The following CLASP1 variants were observed in gnomAD, a reference collection of about 807,000 sequenced individuals.
The protein encoded by CLASP1 is cytoplasmic linker associated protein 1, also known as CLIP-associating protein 1.
CLASP1 carries 38 observed loss-of-function variants against 192.3 expected under a neutral mutation model. That is an observed-to-expected ratio of 0.20 (90% CI 0.15 to 0.26). The LOEUF is 0.26. Among genes scored for constraint, CLASP1 ranks in the 10% least tolerant of loss-of-function variants. The pLI is 1.00. For missense variants in CLASP1, 1,433 were observed against 1,932.5 expected (o/e 0.74, Z 4.85); for synonymous variants, 691 against 712.8 (o/e 0.97, Z 0.49).
chr2:121,636,936 T>C (rs1346268205), intron 1 of CLASP1, among the ~76,000 whole-genome samples: 1 of 152,290 alleles, frequency 6.6e-6, no homozygotes, highest in Middle Eastern at 3.4e-3. Flanking sequence ...ACCCCAAATA[T>C]ATCCACATAG....
chr2:121,405,711 AAGTGGG>A (rs1482219467), intron 25 of CLASP1, among the ~76,000 whole-genome samples: 3 of 139,522 alleles, frequency 2.2e-5, no homozygotes, highest in African/African-American at 9.9e-5. Flanking sequence ...AGAATCTACA[AAGTGGG>A]ACCACCAGGA....
intron 1 of CLASP1, among the ~76,000 whole-genome samples, chr2:121,646,038 T>C (rs2073111710): frequency 6.6e-6 from 1 of 152,256 alleles, no homozygotes; most frequent in African/African-American, 2.4e-5. Flanking sequence ...GATTACATCT[T>C]ACAAACCAAA....
At chr2:121,459,940 A>T (rs915126634) in intron 12 of CLASP1, 40 bp downstream of exon 12, 4 of 1,555,272 alleles carry the variant, frequency 2.6e-6, no homozygotes, top group South Asian at 2.4e-5. Context: ...CTGTGGTGAC[A>T]CTATTTTATG....
intron 2 of CLASP1, among the ~76,000 whole-genome samples, chr2:121,573,925 C>T (rs558510648): frequency 1.1e-3 from 173 of 152,274 alleles, no homozygotes; most frequent in African/African-American, 4.1e-3. Context: ...GCAACAAAAA[C>T]GTAAGCTTTG....
intron 19 of CLASP1, among the ~76,000 whole-genome samples, chr2:121,433,370 C>T (rs766711036): frequency 2.0e-5 from 3 of 148,046 alleles, no homozygotes; most frequent in Non-Finnish European, 4.5e-5. Context: ...TAGTTGCCAA[C>T]AATTTTTATC....
intron 19 of CLASP1, among the ~76,000 whole-genome samples, chr2:121,434,447 TAG>T (rs2081973652): frequency 6.6e-6 from 1 of 151,722 alleles, no homozygotes; most frequent in African/African-American, 2.4e-5. Flanking sequence ...AAATTTTCTG[TAG>T]AGATGGGGGT....
chr2:121,429,271 A>C (rs1412528513), intron 20 of CLASP1, among the ~76,000 whole-genome samples: 2 of 152,206 alleles, frequency 1.3e-5, no homozygotes, highest in African/African-American at 4.8e-5. Flanking sequence ...GGAGGCAGGC[A>C]AATGTCAGCT....
intron 2 of CLASP1, among the ~76,000 whole-genome samples, chr2:121,533,670 G>T (rs903416725): frequency 6.6e-6 from 1 of 152,152 alleles, no homozygotes; most frequent in Non-Finnish European, 1.5e-5. Context: ...CTTTAAATTT[G>T]TTGTAATTTT....
chr2:121,611,014 C>T (rs2065335185), intron 1 of CLASP1, among the ~76,000 whole-genome samples: 2 of 121,930 alleles, frequency 1.6e-5, no homozygotes, highest in East Asian at 2.6e-4. Context: ...GGAGGAGTTA[C>T]AGGAGGAAGA....
In CLASP1 at chr2:121,430,173, C is replaced by T. The variant is rs1298943534; in HGVS notation, c.1917G>A (p.Arg639=). 7 of 1,563,334 alleles carry T rather than the reference C, an allele frequency of 4.5e-6. No individual in the cohort carries two copies. The South Asian group carries it at 8.3e-5, about 18-fold the overall frequency. Residue 639 remains arginine (R), a synonymous_variant, in exon 20 of 40, where the codon CGG becomes CGA. Transcript: ENST00000263710. ...CAGAGCTTTGCCGTCTTGTGCGGAT[C>T]CGACCTGGAGGACACAGCAAAAACA...
At chr2:121,492,125 C>T (rs941143192) in intron 8 of CLASP1, among the ~76,000 whole-genome samples, 18 of 152,174 alleles carry the variant, frequency 1.2e-4, no homozygotes, top group Admixed American at 1.2e-3. Context: ...AAGATTGGCT[C>T]ACGCCTGTAA....
intron 9 of CLASP1, among the ~76,000 whole-genome samples, chr2:121,468,539 T>G (rs1338051200): frequency 6.6e-6 from 1 of 152,196 alleles, no homozygotes; most frequent in Non-Finnish European, 1.5e-5. Flanking sequence ...TTGTGGCAAT[T>G]GTGAATGGGA....
chr2:121,573,453 T>C (rs1365034876), intron 2 of CLASP1, among the ~76,000 whole-genome samples: 1 of 152,236 alleles, frequency 6.6e-6, no homozygotes, highest in Non-Finnish European at 1.5e-5. Context: ...ATTGCACTAT[T>C]TGGCCCAAAA....
chr2:121,508,310 AAAGTT>A (rs1376556369), intron 7 of CLASP1, among the ~76,000 whole-genome samples: 3 of 152,286 alleles, frequency 2.0e-5, no homozygotes, highest in Non-Finnish European at 2.9e-5. Context: ...TAGACTGTTT[AAAGTT>A]AAGATGTTAA....
intron 2 of CLASP1, among the ~76,000 whole-genome samples, chr2:121,568,897 A>C (rs1296575144): frequency 6.6e-6 from 1 of 152,046 alleles, no homozygotes; most frequent in Non-Finnish European, 1.5e-5. Flanking sequence ...TGGCAGGAAT[A>C]GTTTGGAGGA....
chr2:121,410,385 C>T lies in CLASP1; in HGVS notation c.2424+481G>A, dbSNP rs2077522905. On this transcript the variant is annotated intron_variant, in intron 24 of 39. Coordinates refer to ENST00000263710, the Ensembl canonical transcript of CLASP1. Reference sequence around the variant, plus strand: ...CACATCCTCAAAGATTTAGGAAAAACAACATAAAATCAAACAGACAAGATA... The same window carrying T: ...CACATCCTCAAAGATTTAGGAAAAATAACATAAAATCAAACAGACAAGATA... Among the ~76,000 whole-genome samples the T allele has an allele frequency of 2.6e-5, 4 of 152,028 alleles. No homozygotes were observed. In the South Asian group the frequency reaches 8.3e-4, roughly 32 times the overall value.
intron 7 of CLASP1, among the ~76,000 whole-genome samples, chr2:121,510,106 G>C (rs1444213714): frequency 1.3e-5 from 2 of 152,208 alleles, no homozygotes; most frequent in African/African-American, 2.4e-5. Flanking sequence ...CATAGGTGTA[G>C]ATGTCTACAT....
At chr2:121,633,993 G>C in intron 1 of CLASP1, among the ~76,000 whole-genome samples, 1 of 146,816 alleles carries the variant, frequency 6.8e-6, no homozygotes, top group South Asian at 2.2e-4. Flanking sequence ...GCGAGACTCC[G>C]TCTCAAAAAA....
chr2:121,430,856 G>C (rs1000645135), intron 19 of CLASP1, among the ~76,000 whole-genome samples: 1 of 151,910 alleles, frequency 6.6e-6, no homozygotes. Context: ...ATAATCCAAT[G>C]CTGTAGGCAG....
Sources: allele counts gnomAD v4.1 joint callset (sites outside exome capture counted in the v4.1 genomes callset), GRCh38; gene constraint gnomAD v4.1.1; transcripts MANE v1.5; gene names NCBI Gene and HGNC (gene_info 2026-07-23, HGNC 2026-07-21).